Variants in PCDH9 observed in about 807,000 individuals in gnomAD.
PCDH9 encodes protocadherin 9.
A neutral mutation model predicts 70.6 loss-of-function variants in PCDH9; 24 were observed. The ratio of observed to expected loss-of-function variants is 0.34; its 90% confidence interval spans 0.25 to 0.48. The LOEUF is 0.48. Ranked by LOEUF, PCDH9 falls within the 20% of genes least tolerant of loss-of-function variation. The pLI is 0.99. For missense variants in PCDH9, 1,281 were observed against 1,503.6 expected, an observed-to-expected ratio of 0.85 and a Z score of 2.45; for synonymous variants, 562 against 558.5, an observed-to-expected ratio of 1.01 and a Z score of -0.09.
At chr13:66,663,797 G>A (rs574430728) in intron 3 of PCDH9, among the ~76,000 whole-genome samples, 1 of 152,258 alleles carries the variant, frequency 6.6e-6, no homozygotes, top group East Asian at 1.9e-4. Context: ...ATGTGTACAT[G>A]CCTTGAAGGT....
chr13:66,768,501 A>C (rs1002123550), intron 3 of PCDH9, among the ~76,000 whole-genome samples: 8 of 152,102 alleles, frequency 5.3e-5, no homozygotes, highest in African/African-American at 1.9e-4. Flanking sequence ...AATATGACAA[A>C]GGGAATTCTA....
chr13:66,953,915 C>T (rs370057525), intron 2 of PCDH9, among the ~76,000 whole-genome samples: 17 of 152,284 alleles, frequency 1.1e-4, no homozygotes, highest in African/African-American at 3.9e-4. Flanking sequence ...CTTTACTTCA[C>T]CCCTCCGCTT....
At chr13:66,609,865 C>T (rs138564092) in intron 4 of PCDH9, among the ~76,000 whole-genome samples, 146 of 151,902 alleles carry the variant, frequency 9.6e-4, no homozygotes, top group African/African-American at 3.4e-3. Context: ...TTCTCTTCAG[C>T]TTATCAACTC....
intron 3 of PCDH9, among the ~76,000 whole-genome samples, chr13:66,779,777 C>T (rs1020622750): frequency 1.3e-5 from 2 of 149,738 alleles, no homozygotes; most frequent in Non-Finnish European, 3.0e-5. Context: ...GCTGAGATTG[C>T]GCCACTGTAC....
chr13:66,809,199 C>T (rs1299199966), intron 3 of PCDH9, among the ~76,000 whole-genome samples: 2 of 152,112 alleles, frequency 1.3e-5, no homozygotes, highest in East Asian at 1.9e-4. Flanking sequence ...CCACCCGTCT[C>T]GGCCTCCCAA....
chr13:66,925,713 TACAA>T (rs1452302468), intron 2 of PCDH9, among the ~76,000 whole-genome samples: 3 of 151,958 alleles, frequency 2.0e-5, no homozygotes, highest in African/African-American at 4.8e-5. Context: ...AAAACGTTTA[TACAA>T]ACAAACATAT....
At chr13:67,168,855 C>T (rs1024883246) in intron 2 of PCDH9, among the ~76,000 whole-genome samples, 11 of 152,000 alleles carry the variant, frequency 7.2e-5, no homozygotes, top group African/African-American at 2.7e-4. Flanking sequence ...ATTTTAAATC[C>T]CTAATTTGAA....
chr13:66,430,945 A>C (rs1193501370), intron 4 of PCDH9, among the ~76,000 whole-genome samples: 1 of 152,030 alleles, frequency 6.6e-6, no homozygotes, highest in Non-Finnish European at 1.5e-5. Flanking sequence ...TTCACAAATA[A>C]ATTTGCAAAT....
At chr13:66,941,731 T>A (rs928744207) in intron 2 of PCDH9, among the ~76,000 whole-genome samples, 3 of 151,998 alleles carry the variant, frequency 2.0e-5, no homozygotes, top group South Asian at 2.1e-4. Flanking sequence ...CTAACATAGT[T>A]TCAATATACA....
chr13:67,137,930 G>C (rs960547319), intron 2 of PCDH9, among the ~76,000 whole-genome samples: 1 of 152,022 alleles, frequency 6.6e-6, no homozygotes, highest in Non-Finnish European at 1.5e-5. Flanking sequence ...AATTTTTGAA[G>C]CTGAAAGGAA....
At chr13:66,672,386 C>G (rs1267538576) in intron 3 of PCDH9, among the ~76,000 whole-genome samples, 1 of 152,158 alleles carries the variant, frequency 6.6e-6, no homozygotes, top group Non-Finnish European at 1.5e-5. Context: ...TCCATCTAGA[C>G]TTCAGAGGAT....
chr13:67,154,601 TATATACACAC>T (rs1172632758), intron 2 of PCDH9, among the ~76,000 whole-genome samples: 4 of 93,438 alleles, frequency 4.3e-5, no homozygotes, highest in African/African-American at 1.7e-4. Flanking sequence ...AAAAAATATA[TATATACACAC>T]ACACACACAC....
chr13:66,758,128 T>C (rs566852401), intron 3 of PCDH9, among the ~76,000 whole-genome samples: 5 of 152,238 alleles, frequency 3.3e-5, no homozygotes, highest in Non-Finnish European at 7.4e-5. Context: ...CAACATGCTG[T>C]TATGAAGTAT....
At chr13:66,945,405 C>T (rs2083072597) in intron 2 of PCDH9, among the ~76,000 whole-genome samples, 1 of 152,022 alleles carries the variant, frequency 6.6e-6, no homozygotes, top group Admixed American at 6.6e-5. Context: ...TTGTTTTCCC[C>T]CATTAGCCTG....
At chr13:66,664,493 A>G (rs546429988) in intron 3 of PCDH9, among the ~76,000 whole-genome samples, 7 of 152,092 alleles carry the variant, frequency 4.6e-5, no homozygotes, top group Admixed American at 1.3e-4. Context: ...GCTACTAAAC[A>G]TGAATAAGAA....
At chr13:67,069,672 T>C (rs1279049253) in intron 2 of PCDH9, among the ~76,000 whole-genome samples, 1 of 152,154 alleles carries the variant, frequency 6.6e-6, no homozygotes, top group African/African-American at 2.4e-5. Context: ...TTTCTGAATT[T>C]GCTTTTTGCA....
intron 4 of PCDH9, among the ~76,000 whole-genome samples, chr13:66,508,179 A>G (rs1481262311): frequency 6.6e-6 from 1 of 152,216 alleles, no homozygotes; most frequent in African/African-American, 2.4e-5. Flanking sequence ...CTAAATGAGT[A>G]TTAACTGTTA....
At chr13:66,838,514 T>A (rs2081061782) in intron 3 of PCDH9, among the ~76,000 whole-genome samples, 1 of 152,130 alleles carries the variant, frequency 6.6e-6, no homozygotes, top group South Asian at 2.1e-4. Flanking sequence ...AAAGAGAACC[T>A]GCTCTGATAT....
chr13:66,764,957 A>T (rs1375176296), intron 3 of PCDH9, among the ~76,000 whole-genome samples: 3 of 151,792 alleles, frequency 2.0e-5, no homozygotes, highest in East Asian at 1.9e-4. Flanking sequence ...TAAGAAATAA[A>T]TTTTTTCTGT....
Sources: allele counts gnomAD v4.1 joint callset (sites outside exome capture counted in the v4.1 genomes callset), GRCh38; gene constraint gnomAD v4.1.1; transcripts MANE v1.5; gene names NCBI Gene and HGNC (gene_info 2026-07-23, HGNC 2026-07-21).